Variants in KCTD1 observed in about 807,000 individuals in gnomAD.
KCTD1 encodes the protein potassium channel tetramerization domain containing 1.
In KCTD1, 24 loss-of-function variants were observed where a neutral mutation model predicts 66.0. The observed-to-expected ratio is 0.36, with a 90% CI of 0.26 to 0.51. The LOEUF is 0.51. Among genes scored for constraint, KCTD1 ranks in the 20% least tolerant of loss-of-function variants. KCTD1 has a pLI of 0.95. For synonymous variants in KCTD1, 511 were observed against 517.2 expected (o/e 0.99, Z 0.16); for missense variants, 943 against 1,205.2 (o/e 0.78, Z 3.22).
rs1983011180 is a variant in KCTD1 at position 26,505,949 on chromosome 18, C to A, written c.1810-4699G>T. Among the ~76,000 whole-genome samples the A allele has an allele frequency of 2.6e-5, 4 of 152,224 alleles. No homozygotes were observed. In the South Asian group the frequency reaches 8.3e-4, roughly 32 times the overall value. On this transcript the variant is annotated intron_variant, in intron 1 of 4. Coordinates refer to ENST00000580059, the MANE Select transcript of KCTD1 (RefSeq NM_001142730.3). Reference sequence around the variant, plus strand: ...GGAGTGCAGTGGCATGATCTCAGCTCAGTGCAGCTTCCGCTTCCCAGGTTC... The same window carrying A: ...GGAGTGCAGTGGCATGATCTCAGCTAAGTGCAGCTTCCGCTTCCCAGGTTC...
chr18:26,647,531 A>AAAAAAAAAAAC, intron 1 of KCTD1, among the ~76,000 whole-genome samples: 1 of 31,882 alleles, frequency 3.1e-5, no homozygotes, highest in Non-Finnish European at 7.0e-5. Context: ...AAAAAAAAAA[A>AAAAAAAAAAAC]AAAAAAAAAA....
intron 1 of KCTD1, among the ~76,000 whole-genome samples, chr18:26,510,547 C>T (rs993790698): frequency 3.3e-5 from 5 of 152,268 alleles, no homozygotes; most frequent in African/African-American, 4.8e-5. Context: ...GAGTGAGTGT[C>T]CTCAACATGC....
At chr18:26,543,106 C>G (rs1253768288) in intron 1 of KCTD1, 4 of 152,186 alleles carry the variant, frequency 2.6e-5, no homozygotes, top group African/African-American at 9.7e-5. Context: ...AGTAGGCGCT[C>G]AGTAACTACT....
chr18:26,560,878 G>A (rs1985830915), intron 1 of KCTD1, among the ~76,000 whole-genome samples: 1 of 152,212 alleles, frequency 6.6e-6, no homozygotes, highest in African/African-American at 2.4e-5. Context: ...AGAGGACAGT[G>A]GGAAAATGCA....
intron 3 of KCTD1, among the ~76,000 whole-genome samples, chr18:26,470,088 A>G (rs1442237030): frequency 6.6e-6 from 1 of 152,190 alleles, no homozygotes; most frequent in African/African-American, 2.4e-5. Flanking sequence ...CCTAGTTTGC[A>G]TGTTAGCCTC....
chr18:26,487,079 C>T (rs984242051), intron 2 of KCTD1, among the ~76,000 whole-genome samples: 1 of 152,132 alleles, frequency 6.6e-6, no homozygotes, highest in African/African-American at 2.4e-5. Flanking sequence ...CCCACCTTAC[C>T]CCTCCATACT....
intron 1 of KCTD1, among the ~76,000 whole-genome samples, chr18:26,585,642 G>A (rs1410099762): frequency 6.6e-6 from 1 of 152,184 alleles, no homozygotes; most frequent in African/African-American, 2.4e-5. Flanking sequence ...AATGGTCCAA[G>A]TCAGAGAATT....
chr18:26,503,284 T>C (rs1032729357), intron 1 of KCTD1, among the ~76,000 whole-genome samples: 1 of 150,750 alleles, frequency 6.6e-6, no homozygotes, highest in Non-Finnish European at 1.5e-5. Flanking sequence ...AGAAGAGGAG[T>C]TAAAGGGGTA....
Position 26,455,881 on chromosome 18 carries a change from T to C in KCTD1, c.2460A>G (p.Gln820=). Residue 820 remains glutamine, a synonymous_variant, in exon 5 of 5, where the codon CAA becomes CAG. Transcript: ENST00000580059. ...NSVQVLERLQ[Q]RGFEIVGSCG... is the part of the protein sequence containing the mutation. ...AGGAGCCCACGATTTCAAATCCTCT[T>C]TGCTGCAACCTCTCGAGGACCTGCG... 6.2e-7 allele frequency: 1 copy of C among 1,613,992 alleles called. No individual in the cohort carries two copies. Among genetic ancestry groups the C allele is most frequent in the Non-Finnish European group, 8.5e-7 (1 of 1,179,846 alleles).
intron 1 of KCTD1, among the ~76,000 whole-genome samples, chr18:26,605,130 G>A (rs1435064734): frequency 1.3e-5 from 2 of 152,160 alleles, no homozygotes; most frequent in Non-Finnish European, 2.9e-5. Flanking sequence ...AAAGGTTCAG[G>A]AAATCACCAC....
At chr18:26,591,473 A>T (rs1160298092) in intron 1 of KCTD1, 1 of 152,368 alleles carries the variant, frequency 6.6e-6, no homozygotes, top group Non-Finnish European at 1.5e-5. Context: ...CTAATAATTT[A>T]AAAAGGCCCT....
At chr18:26,510,552 A>G (rs117862074) in intron 1 of KCTD1, among the ~76,000 whole-genome samples, 2,588 of 152,276 alleles carry the variant, frequency 0.017, 37 homozygotes, top group Middle Eastern at 0.034. Flanking sequence ...AGTGTCCTCA[A>G]CATGCCTTTT....
chr18:26,596,225 G>A (rs778083818), intron 1 of KCTD1, among the ~76,000 whole-genome samples: 1 of 152,194 alleles, frequency 6.6e-6, no homozygotes, highest in African/African-American at 2.4e-5. Flanking sequence ...TGAGACCTTC[G>A]AGATGGGATT....
intron 1 of KCTD1, among the ~76,000 whole-genome samples, chr18:26,649,954 T>C (rs1987998425): frequency 1.3e-5 from 2 of 152,188 alleles, no homozygotes; most frequent in Non-Finnish European, 2.9e-5. Flanking sequence ...TCAGTGTTAA[T>C]ACGCAAATTC....
At chr18:26,549,449 G>A, upstream of KCTD1, 1 of 985,736 alleles carries the variant, frequency 1.0e-6, no homozygotes, top group South Asian at 4.7e-5. Flanking sequence ...GCCCCGGGAA[G>A]GAGCGAGGCA....
chr18:26,476,839 A>C lies in KCTD1; in HGVS notation c.1989-180T>G. 1.7e-6 allele frequency: 1 copy of C among 578,890 alleles called. No individual in the cohort carries two copies. The highest frequency in any genetic ancestry group is 2.3e-5 in the South Asian group (1 of 44,142). The allele number at this position is 578,890 out of a possible 1,614,324, so 35.9% of individuals were successfully genotyped here. On this transcript the variant is annotated intron_variant, in intron 2 of 4. Transcript: ENST00000580059. The surrounding 1 kb of genome is among the most constrained non-coding windows in gnomAD (Gnocchi z 4.9). ...TAAATATCTCAGGACGAGACCATTC[A>C]AAATAGTCCTAGGCTTTGTCAAATG...
chr18:26,653,818 TGAG>T (rs1240501652), intron 1 of KCTD1, among the ~76,000 whole-genome samples: 1 of 152,264 alleles, frequency 6.6e-6, no homozygotes, highest in Non-Finnish European at 1.5e-5. Context: ...CACTTCTGCA[TGAG>T]TAAGCTATTA....
At chr18:26,465,676 C>G (rs1026096807) in intron 3 of KCTD1, among the ~76,000 whole-genome samples, 4 of 152,154 alleles carry the variant, frequency 2.6e-5, no homozygotes, top group Non-Finnish European at 4.4e-5. Context: ...GTGCTGACGG[C>G]GGGACGGAAG....
chr18:26,471,050 C>G (rs140839514), intron 3 of KCTD1, among the ~76,000 whole-genome samples: 74 of 152,178 alleles, frequency 4.9e-4, no homozygotes, highest in Admixed American at 1.5e-3. Flanking sequence ...ATGGAAGAAG[C>G]CATGGCTGCT....
Sources: gnomAD v4.1 joint callset for allele counts (sites outside exome capture counted in the v4.1 genomes callset) on GRCh38, gnomAD v4.1.1 for gene constraint, Gnocchi (gnomAD v3.1) non-coding constraint, MANE v1.5 for transcripts, NCBI Gene and HGNC (gene_info 2026-07-23, HGNC 2026-07-21) for gene names.